ATP11B: variants seen among roughly 807,000 people sequenced by gnomAD.
ATP11B encodes the protein ATPase phospholipid transporting 11B (putative), also known as phospholipid-transporting ATPase IF.
ATP11B carries 81 observed loss-of-function variants against 157.8 expected under a neutral mutation model. That is an observed-to-expected ratio of 0.51 (90% CI 0.43 to 0.62). The LOEUF is 0.62. ATP11B is among the 20% of genes least tolerant of loss of function. The pLI, the probability that ATP11B is intolerant of heterozygous loss-of-function variation, is 0.00. For synonymous variants in ATP11B, 451 were observed against 469.4 expected (o/e 0.96, Z 0.51); for missense variants, 1,165 against 1,402.2 (o/e 0.83, Z 2.70).
intron 2 of ATP11B, 95 bp downstream of exon 2, chr3:182,820,471 C>A: frequency 1.2e-6 from 1 of 856,080 alleles, no homozygotes; most frequent in Non-Finnish European, 1.9e-6. Flanking sequence ...ATCGGTTAAG[C>A]CCAGGAGTTT....
rs527276965 is a variant in ATP11B at position 182,855,115 on chromosome 3, AAT to A, written c.852-2761_852-2760del. On this transcript the variant is annotated intron_variant, in intron 10 of 29. Transcript: ENST00000323116. ...CAAAGGAACAGTTTTGAAAATGAAA[AAT>A]AAAGTGAGAAGAATTGCTATTGATG... Among the ~76,000 whole-genome samples, 437 of 152,282 alleles carry A rather than the reference AAT, an allele frequency of 2.9e-3. 4 individuals are homozygous for A. The highest frequency in any genetic ancestry group is 0.01 in the Middle Eastern group (3 of 294).
chr3:182,818,733 T>G (rs950880220), intron 1 of ATP11B, among the ~76,000 whole-genome samples: 11 of 152,174 alleles, frequency 7.2e-5, no homozygotes, highest in African/African-American at 2.4e-4. Context: ...TGTCTGTGCT[T>G]AATGGAAATG....
At chr3:182,908,207 T>C (rs1489895523) in intron 28 of ATP11B, among the ~76,000 whole-genome samples, 1 of 139,402 alleles carries the variant, frequency 7.2e-6, no homozygotes, top group African/African-American at 2.7e-5. Context: ...TTTTTTTTTT[T>C]TTTTTTTTTT....
rs573832187 is a variant in ATP11B, at chr3:182,805,410, AT to A, written c.27+11627del. Among the ~76,000 whole-genome samples, 3 of 149,972 alleles carry A rather than the reference AT, an allele frequency of 2.0e-5. No homozygotes were observed. The South Asian group carries it at 6.3e-4, about 31-fold the overall frequency. On this transcript the variant is annotated intron_variant, in intron 1 of 29. Coordinates refer to ENST00000323116, the MANE Select transcript of ATP11B (RefSeq NM_014616.3). Reference sequence around the variant, plus strand: ...AATTTTTTTTATGTACCTGTTGGCCATTTGTGTATCATTTTTGGAGAAATGC... The same window carrying A: ...AATTTTTTTTATGTACCTGTTGGCCATTGTGTATCATTTTTGGAGAAATGC...
intron 21 of ATP11B, among the ~76,000 whole-genome samples, chr3:182,882,536 C>T (rs9810718): frequency 0.035 from 5,279 of 151,488 alleles, 314 homozygotes; most frequent in African/African-American, 0.12. Context: ...GAGTCTCTTT[C>T]TATTATTTGT....
chr3:182,802,924 T>C (rs938614898), intron 1 of ATP11B, among the ~76,000 whole-genome samples: 5 of 152,220 alleles, frequency 3.3e-5, no homozygotes, highest in Non-Finnish European at 7.3e-5. Flanking sequence ...ATTAGTTTTC[T>C]GTGATAGCAT....
intron 28 of ATP11B, among the ~76,000 whole-genome samples, chr3:182,903,771 T>A (rs1319466546): frequency 6.6e-6 from 1 of 152,208 alleles, no homozygotes; most frequent in African/African-American, 2.4e-5. Flanking sequence ...TTCTATCACA[T>A]TTTTGAGCAT....
intron 10 of ATP11B, among the ~76,000 whole-genome samples, chr3:182,851,676 T>A (rs1035121780): frequency 2.6e-5 from 4 of 152,138 alleles, no homozygotes; most frequent in African/African-American, 7.2e-5. Flanking sequence ...AGCTAATAAG[T>A]TAGAGCAACT....
chr3:182,890,681 C>T (rs1343292655), intron 25 of ATP11B, among the ~76,000 whole-genome samples: 1 of 152,192 alleles, frequency 6.6e-6, no homozygotes, highest in African/African-American at 2.4e-5. Flanking sequence ...ATAAAGGTTA[C>T]AGCACTTCCC....
intron 12 of ATP11B, among the ~76,000 whole-genome samples, chr3:182,859,903 A>G (rs373754282): frequency 9.2e-5 from 14 of 151,450 alleles, no homozygotes; most frequent in Non-Finnish European, 1.9e-4. Flanking sequence ...TATATATTCA[A>G]ACATACCAGG....
At chr3:182,879,288 A>T (rs924751205) in intron 19 of ATP11B, among the ~76,000 whole-genome samples, 2 of 152,142 alleles carry the variant, frequency 1.3e-5, no homozygotes, top group Non-Finnish European at 2.9e-5. Context: ...AAAATTGAAT[A>T]TTATCTGTTT....
At chr3:182,880,215 T>C (rs1722324373) in intron 20 of ATP11B, among the ~76,000 whole-genome samples, 1 of 152,196 alleles carries the variant, frequency 6.6e-6, no homozygotes, top group Admixed American at 6.5e-5. Flanking sequence ...TAGACTGTTT[T>C]TCACAAATAT....
chr3:182,901,291 G>C (rs1357091171), intron 28 of ATP11B, among the ~76,000 whole-genome samples: 1 of 150,466 alleles, frequency 6.6e-6, no homozygotes, highest in Non-Finnish European at 1.5e-5. Flanking sequence ...TGAATCTGGG[G>C]GGCAGAGGTT....
chr3:182,847,789 T>C (rs989383121), intron 9 of ATP11B, among the ~76,000 whole-genome samples: 12 of 152,206 alleles, frequency 7.9e-5, no homozygotes, highest in African/African-American at 2.9e-4. Context: ...AGAAATTACT[T>C]ACCCGAGGAT....
intron 12 of ATP11B, 54 bp from the exon 13 acceptor site, chr3:182,865,402 A>T: frequency 6.5e-7 from 1 of 1,546,796 alleles, no homozygotes; most frequent in Non-Finnish European, 8.7e-7. Context: ...TTTCTTGTTT[A>T]ACATAGGACC....
At chr3:182,844,810 A>G (rs1182261100) in intron 8 of ATP11B, among the ~76,000 whole-genome samples, 1 of 152,010 alleles carries the variant, frequency 6.6e-6, no homozygotes, top group Admixed American at 6.5e-5. Flanking sequence ...ATCTTCTGCC[A>G]CACATTTTTA....
At position 182,829,702 on chromosome 3, in the gene ATP11B, A is replaced by G. The variant is rs1717983187; in HGVS notation, c.265A>G (p.Thr89Ala). 1 of 1,607,216 alleles carries G rather than the reference A, an allele frequency of 6.2e-7. No individual in the cohort carries two copies. Among genetic ancestry groups the G allele is most frequent in the Non-Finnish European group, 8.5e-7 (1 of 1,175,476 alleles). The change falls in exon 4 of 30, where the codon ACC becomes GCC. Residue 89 changes from threonine (T) to alanine (A), a missense_variant. Around this residue, in one of 4 missense-constraint regions of ATP11B, gnomAD observed 34 missense variants for 79.6 expected, o/e 0.43. Transcript: ENST00000323116. ...GATTGATACACCTACCAGTCCAGTT[A>G]CCAGTGGACTTCCATTATTCTTTGT... ...LMIDTPTSPV[T>A]SGLPLFFVIT...
chr3:182,822,945 G>A (rs1717466942), intron 2 of ATP11B, among the ~76,000 whole-genome samples: 1 of 152,162 alleles, frequency 6.6e-6, no homozygotes, highest in Non-Finnish European at 1.5e-5. Context: ...GATATCCTTT[G>A]CCCATGTTTT....
Position 182,914,008 on chromosome 3 carries a change from C to CT in ATP11B, c.3452+15dup. 6.2e-7 allele frequency: 1 copy of CT among 1,613,518 alleles called. No individual in the cohort carries two copies. Among genetic ancestry groups the CT allele is most frequent in the Non-Finnish European group, 8.5e-7 (1 of 1,179,668 alleles). Reference sequence around the variant, plus strand: ...CCACATCAGCAGGTGTGAAATCTCTCTAAGTAGCCTTTGCTGCAGATGAGT... The same window carrying CT: ...CCACATCAGCAGGTGTGAAATCTCTCTTAAGTAGCCTTTGCTGCAGATGAGT... On this transcript the variant is annotated intron_variant, in intron 29 of 29. Transcript: ENST00000323116.
Sources: gnomAD v4.1 joint callset for allele counts (sites outside exome capture counted in the v4.1 genomes callset) on GRCh38, gnomAD v4.1.1 for gene constraint, gnomAD v4.1.1 regional missense constraint, MANE v1.5 for transcripts, NCBI Gene and HGNC (gene_info 2026-07-23, HGNC 2026-07-21) for gene names.